Variants in DCUN1D5 observed in about 807,000 individuals in gnomAD.
DCUN1D5 encodes defective in cullin neddylation 1 domain containing 5.
Under a neutral mutation model 38.3 loss-of-function variants are expected in DCUN1D5, and 10 were observed. The observed-to-expected ratio is 0.26, with a 90% confidence interval of 0.16 to 0.44. The LOEUF (loss-of-function observed/expected upper bound fraction) is 0.44, where lower values mean the gene tolerates loss of function less well. Among genes scored for constraint, DCUN1D5 ranks in the 20% least tolerant of loss-of-function variants. DCUN1D5 has a pLI of 1.00. For missense variants in DCUN1D5, 148 were observed against 275.3 expected (o/e 0.54, Z 3.27); for synonymous variants, 93 against 90.9 (o/e 1.02, Z -0.13).
rs140639725 is a variant in DCUN1D5 at position 103,057,735 on chromosome 11, A to G, written c.*4624T>C. On this transcript the variant is annotated 3_prime_UTR_variant, in exon 8 of 8. Coordinates refer to ENST00000260247, the MANE Select transcript of DCUN1D5 (RefSeq NM_032299.4). This position sits in a 1 kb window ranked among gnomAD's most constrained non-coding sequence, Gnocchi z 4.8. The stretch of plus-strand genomic sequence containing the variant: ...ACCCTGTCTCCAAAAAAAAAAAGGG[A>G]AAAGTTAATTATGGCTAATATTCTA... Among the ~76,000 whole-genome samples, 472 of 151,698 alleles carry G rather than the reference A, an allele frequency of 3.1e-3. 1 individual carries two copies. The highest frequency in any genetic ancestry group is 7.2e-3 in the Admixed American group (109 of 15,224).
rs1473843305 is a variant in DCUN1D5 at position 103,058,571 on chromosome 11, C to G, written c.*3788G>C. On this transcript the variant is annotated 3_prime_UTR_variant, in exon 8 of 8. Transcript: ENST00000260247. ...GACTGCTTTTTGGGCTTCCACCATA[C>G]TAATCATAGGTCTATTAACAAAAAA... Among the ~76,000 whole-genome samples, 1 of 152,048 alleles carries G rather than the reference C, an allele frequency of 6.6e-6. No homozygotes were observed. The highest frequency in any genetic ancestry group is 2.4e-5 in the African/African-American group (1 of 41,386).
intron 2 of DCUN1D5, among the ~76,000 whole-genome samples, chr11:103,088,816 A>C (rs1862778797): frequency 6.6e-6 from 1 of 152,214 alleles, no homozygotes; most frequent in Non-Finnish European, 1.5e-5. Flanking sequence ...AAGTTTCAGA[A>C]AATGTTAGTT....
chr11:103,090,933 A>C (rs920905170), intron 1 of DCUN1D5, among the ~76,000 whole-genome samples: 2 of 152,012 alleles, frequency 1.3e-5, no homozygotes, highest in African/African-American at 4.8e-5. Context: ...ACAAAACAAA[A>C]AAACAAAAAA....
At chr11:103,072,051 A>G (rs959749829) in intron 4 of DCUN1D5, among the ~76,000 whole-genome samples, 178 of 152,106 alleles carry the variant, frequency 1.2e-3, no homozygotes, top group African/African-American at 4.1e-3. Flanking sequence ...CAGAAAAAAA[A>G]AAATAGAGGG....
In DCUN1D5 at chr11:103,051,633, C is replaced by T. The variant is rs1211029341; in HGVS notation, c.*10726G>A. Reference sequence around the variant, plus strand: ...TCATTAAACAAATATTTGGAACCCACTACATTCAAAGCATAGCATTAGGTT... The same window carrying T: ...TCATTAAACAAATATTTGGAACCCATTACATTCAAAGCATAGCATTAGGTT... On this transcript the variant is annotated 3_prime_UTR_variant, in exon 8 of 8. Transcript: ENST00000260247. The T allele has an allele frequency of 6.6e-6, 1 of 151,996 alleles. No individual in the cohort carries two copies. The highest frequency in any genetic ancestry group is 6.6e-5 in the Admixed American group (1 of 15,252). The allele number at this position is 151,996 out of a possible 1,614,324, so 9.4% of individuals were successfully genotyped here. A position where few individuals can be genotyped will look rare whatever the true frequency, so the allele number is the denominator to read the frequency against.
intron 2 of DCUN1D5, among the ~76,000 whole-genome samples, chr11:103,084,945 C>T (rs1862662333): frequency 6.6e-6 from 1 of 151,786 alleles, no homozygotes; most frequent in South Asian, 2.1e-4. Context: ...CATGATCACG[C>T]CATTGTACTC....
intron 4 of DCUN1D5, among the ~76,000 whole-genome samples, chr11:103,070,435 C>G (rs1862243686): frequency 6.6e-6 from 1 of 152,018 alleles, no homozygotes; most frequent in Non-Finnish European, 1.5e-5. Context: ...AGAGCAACTT[C>G]AGAGCAAAGA....
rs78929983 is a variant in DCUN1D5, at chr11:103,059,115, G to C, written c.*3244C>G. ...AGTACACTTCTTTAAGAGGGCAGAA[G>C]AACAACACCTGGCATTCTTACCAAT... On this transcript the variant is annotated 3_prime_UTR_variant, in exon 8 of 8. Transcript: ENST00000260247. Among the ~76,000 whole-genome samples, 11,015 of 152,108 alleles carry C rather than the reference G, an allele frequency of 0.072. 498 individuals are homozygous for C. The highest frequency in any genetic ancestry group is 0.15 in the East Asian group (793 of 5,174).
intron 2 of DCUN1D5, 146 bp downstream of exon 2, chr11:103,089,081 T>G (rs971737910): frequency 2.3e-5 from 14 of 605,888 alleles, no homozygotes; most frequent in Non-Finnish European, 3.5e-5. Flanking sequence ...AAATTTTTAG[T>G]CTACCCACAA....
intron 4 of DCUN1D5, among the ~76,000 whole-genome samples, chr11:103,074,158 C>CAA (rs898576610): frequency 2.0e-5 from 3 of 152,004 alleles, no homozygotes; most frequent in African/African-American, 7.2e-5. Context: ...TTTTGCTCTG[C>CAA]AAAAGACCTT....
chr11:103,053,708 G>A lies in DCUN1D5; in HGVS notation c.*8651C>T, dbSNP rs561278749. On this transcript the variant is annotated 3_prime_UTR_variant, in exon 8 of 8. Transcript: ENST00000260247. The surrounding 1 kb of genome is among the most constrained non-coding windows in gnomAD (Gnocchi z 4.8). ...ATGTATCAATGAATTTTAATTATAT[G>A]AATATATCATATTATCACATGTACC... 6.7e-6 allele frequency: 1 copy of A among 149,164 alleles called. No individual in the cohort carries two copies. Among genetic ancestry groups the A allele is most frequent in the East Asian group, 2.0e-4 (1 of 5,102 alleles). The allele number at this position is 149,164 out of a possible 1,614,324, so 9.2% of individuals were successfully genotyped here. A position where few individuals can be genotyped will look rare whatever the true frequency, so the allele number is the denominator to read the frequency against.
Position 103,055,244 on chromosome 11 carries a change from T to C in DCUN1D5, c.*7115A>G, listed in dbSNP as rs1290642218. ...GCATCATGTCAACACTCAAAAAGTT[T>C]TGGATTTTGAAGCATTTTGAATTTC... is the stretch of plus-strand genomic sequence containing the variant. On this transcript the variant is annotated 3_prime_UTR_variant, in exon 8 of 8. Transcript: ENST00000260247. 5 of 152,172 alleles carry C rather than the reference T, an allele frequency of 3.3e-5. No homozygotes were observed. Among genetic ancestry groups the C allele is most frequent in the Non-Finnish European group, 7.4e-5 (5 of 68,012 alleles). 9.4% of individuals were successfully genotyped at this position (152,172 alleles called of 1,614,324 possible).
chr11:103,082,020 A>G (rs757223384), intron 4 of DCUN1D5, among the ~76,000 whole-genome samples: 1 of 152,142 alleles, frequency 6.6e-6, no homozygotes, highest in Non-Finnish European at 1.5e-5. Context: ...TGCTTTCTCT[A>G]TTTTAGAATG....
rs575377391 is a variant in DCUN1D5 at position 103,052,099 on chromosome 11, C to A, written c.*10260G>T. On this transcript the variant is annotated 3_prime_UTR_variant, in exon 8 of 8. Coordinates refer to ENST00000260247, the MANE Select transcript of DCUN1D5 (RefSeq NM_032299.4). ...GTGTCTATTTAGAAGACACTGTGCC[C>A]GGTTATGTGAGACTGCTCCAGTACT... 6.6e-6 allele frequency: 1 copy of A among 152,172 alleles called. No individual in the cohort carries two copies. Among genetic ancestry groups the A allele is most frequent in the Admixed American group, 6.5e-5 (1 of 15,284 alleles). 9.4% of individuals were successfully genotyped at this position (152,172 alleles called of 1,614,324 possible). A position where few individuals can be genotyped will look rare whatever the true frequency, so the allele number is the denominator to read the frequency against.
At position 103,051,920 on chromosome 11, in the gene DCUN1D5, T is replaced by C. The variant is rs1219236604; in HGVS notation, c.*10439A>G. 6.6e-6 allele frequency: 1 copy of C among 152,176 alleles called. No homozygotes were observed. The highest frequency in any genetic ancestry group is 1.5e-5 in the Non-Finnish European group (1 of 68,064). The allele number at this position is 152,176 out of a possible 1,614,324, so 9.4% of individuals were successfully genotyped here. A position where few individuals can be genotyped will look rare whatever the true frequency, so the allele number is the denominator to read the frequency against. On this transcript the variant is annotated 3_prime_UTR_variant, in exon 8 of 8. Transcript: ENST00000260247. Reference sequence around the variant, plus strand: ...AACACCAAAGTAGCCCCAGCCTTCATCGCGTCTCATCTGCTCTGAAAATCC... The same window carrying C: ...AACACCAAAGTAGCCCCAGCCTTCACCGCGTCTCATCTGCTCTGAAAATCC...
intron 1 of DCUN1D5, 42 bp from the exon 2 acceptor site, chr11:103,089,360 A>T: frequency 6.6e-7 from 1 of 1,513,860 alleles, no homozygotes; most frequent in Non-Finnish European, 9.0e-7. Flanking sequence ...ATCACATCTC[A>T]ACTCTTAGAG....
At chr11:103,080,884 C>CA (rs1420515106) in intron 4 of DCUN1D5, among the ~76,000 whole-genome samples, 1 of 152,040 alleles carries the variant, frequency 6.6e-6, no homozygotes, top group Non-Finnish European at 1.5e-5. Context: ...TGGAGGCACA[C>CA]GCCCGTAGTC....
chr11:103,080,513 AAAATC>A (rs1862531851), intron 4 of DCUN1D5, among the ~76,000 whole-genome samples: 1 of 151,568 alleles, frequency 6.6e-6, no homozygotes, highest in African/African-American at 2.4e-5. Context: ...ATGAGGGAAA[AAAATC>A]AACGATTTTC....
chr11:103,068,464 A>G (rs1167540981), intron 4 of DCUN1D5, among the ~76,000 whole-genome samples: 1 of 152,198 alleles, frequency 6.6e-6, no homozygotes, highest in Non-Finnish European at 1.5e-5. Flanking sequence ...AAGAAAATAC[A>G]TATACACCAT....
Sources: gnomAD v4.1 joint callset for allele counts (sites outside exome capture counted in the v4.1 genomes callset) on GRCh38, gnomAD v4.1.1 for gene constraint, Gnocchi (gnomAD v3.1) non-coding constraint, MANE v1.5 for transcripts, NCBI Gene and HGNC (gene_info 2026-07-23, HGNC 2026-07-21) for gene names.